Variants in ADAMTSL1 observed in about 807,000 individuals in gnomAD.
ADAMTSL1 encodes ADAMTS like 1.
A neutral mutation model predicts 201.8 loss-of-function variants in ADAMTSL1; 126 were observed. The observed-to-expected ratio is 0.62, with a 90% confidence interval of 0.54 to 0.72. The LOEUF (loss-of-function observed/expected upper bound fraction) is 0.72, where lower values mean the gene tolerates loss of function less well. Among genes scored for constraint, ADAMTSL1 ranks in the 30% least tolerant of loss-of-function variants. The pLI, the probability that ADAMTSL1 is intolerant of heterozygous loss-of-function variation, is 0.00. For missense variants in ADAMTSL1, 2,679 were observed against 2,277.8 expected, an observed-to-expected ratio of 1.18 and a Z score of -3.59; for synonymous variants, 1,121 against 903.4, an observed-to-expected ratio of 1.24 and a Z score of -4.32.
At chr9:18,015,383 G>A (rs1304509758) in intron 1 of ADAMTSL1, among the ~76,000 whole-genome samples, 1 of 152,046 alleles carries the variant, frequency 6.6e-6, no homozygotes, top group Non-Finnish European at 1.5e-5. Context: ...TTAAAATTTA[G>A]CCTCTAGCTA....
chr9:18,899,091 C>G (rs917893146), intron 26 of ADAMTSL1, among the ~76,000 whole-genome samples: 2 of 152,228 alleles, frequency 1.3e-5, no homozygotes, highest in African/African-American at 4.8e-5. Flanking sequence ...TAAGCAACTT[C>G]AGCAAAGTCC....
intron 25 of ADAMTSL1, among the ~76,000 whole-genome samples, chr9:18,891,378 T>G (rs1333805103): frequency 7.0e-6 from 1 of 142,156 alleles, no homozygotes; most frequent in East Asian, 2.0e-4. Context: ...AACCAAAGAG[T>G]GGGATTTTTT....
chr9:18,428,180 C>T (rs1819312692), intron 2 of ADAMTSL1, among the ~76,000 whole-genome samples: 1 of 152,128 alleles, frequency 6.6e-6, no homozygotes, highest in Non-Finnish European at 1.5e-5. Flanking sequence ...TTGTGTTTGG[C>T]ATTGTATTTG....
chr9:18,049,202 G>T (rs553700328), intron 1 of ADAMTSL1, among the ~76,000 whole-genome samples: 14 of 152,218 alleles, frequency 9.2e-5, no homozygotes, highest in Admixed American at 9.2e-4. Flanking sequence ...TCCAAATAAG[G>T]TCACATTCCC....
chr9:18,744,182 G>A (rs192101154), intron 15 of ADAMTSL1, among the ~76,000 whole-genome samples: 85 of 152,346 alleles, frequency 5.6e-4, no homozygotes, highest in African/African-American at 1.9e-3. Context: ...CACAATGCAC[G>A]TTTTCTGAAC....
At chr9:18,341,209 T>C (rs1387467998) in intron 2 of ADAMTSL1, among the ~76,000 whole-genome samples, 1 of 152,088 alleles carries the variant, frequency 6.6e-6, no homozygotes, top group East Asian at 1.9e-4. Flanking sequence ...CACAAGCTGG[T>C]CTCTGCTCAT....
At chr9:18,106,717 T>C (rs1259014590) in intron 1 of ADAMTSL1, among the ~76,000 whole-genome samples, 3 of 152,208 alleles carry the variant, frequency 2.0e-5, no homozygotes, top group African/African-American at 7.2e-5. Flanking sequence ...TTTCAATCAG[T>C]CACAAGAGTA....
chr9:18,073,003 G>A (rs866676214), intron 1 of ADAMTSL1, among the ~76,000 whole-genome samples: 3 of 152,168 alleles, frequency 2.0e-5, no homozygotes, highest in Non-Finnish European at 4.4e-5. Flanking sequence ...GCGAGACAAC[G>A]AAGCTGATAT....
chr9:18,529,649 T>C (rs1819312940), intron 2 of ADAMTSL1, among the ~76,000 whole-genome samples: 1 of 152,206 alleles, frequency 6.6e-6, no homozygotes, highest in Non-Finnish European at 1.5e-5. Context: ...GTGTTTCTAT[T>C]ATAATCCACA....
rs369182698 is a variant in ADAMTSL1 at position 17,996,443 on chromosome 9, C to A, written c.87+89521C>A. ...ACAATGTTATATTCAGTTAAAGTAA[C>A]TGCCTCTTTTGTTACTTGCTCAGAA... On this transcript the variant is annotated intron_variant, in intron 1 of 29. Transcript: ENST00000680146. Among the ~76,000 whole-genome samples the A allele has an allele frequency of 2.6e-5, 4 of 152,024 alleles. No individual in the cohort carries two copies. The East Asian group carries it at 7.7e-4, about 29-fold the overall frequency.
At position 18,887,825 on chromosome 9, in the gene ADAMTSL1, T is replaced by C. The variant is rs1437390764; in HGVS notation, c.4250-6T>C. 1 of 1,612,788 alleles carries C rather than the reference T, an allele frequency of 6.2e-7. No homozygotes were observed. Among genetic ancestry groups the C allele is most frequent in the Non-Finnish European group, 8.5e-7 (1 of 1,179,270 alleles). Reference sequence around the variant, plus strand: ...CTAAGGCTTACTTCTTTTCCTCTCCTTCTAGGCTGCCCCATCAAAGGTCAC... The same window carrying C: ...CTAAGGCTTACTTCTTTTCCTCTCCCTCTAGGCTGCCCCATCAAAGGTCAC... On this transcript the variant is annotated splice_polypyrimidine_tract_variant and splice_region_variant and intron_variant, in intron 23 of 28. Transcript: ENST00000380548.
At chr9:18,192,363 C>A (rs1829004633) in intron 2 of ADAMTSL1, among the ~76,000 whole-genome samples, 1 of 152,070 alleles carries the variant, frequency 6.6e-6, no homozygotes, top group Admixed American at 6.6e-5. Flanking sequence ...TTCTTCAAAT[C>A]CCCTAAAGAA....
intron 2 of ADAMTSL1, among the ~76,000 whole-genome samples, chr9:18,266,473 C>A (rs1832121225): frequency 6.6e-6 from 1 of 152,148 alleles, no homozygotes; most frequent in Non-Finnish European, 1.5e-5. Context: ...TATTCATAAT[C>A]AAAAATGATA....
chr9:18,304,116 TG>T (rs1267047496), intron 2 of ADAMTSL1, among the ~76,000 whole-genome samples: 1 of 152,216 alleles, frequency 6.6e-6, no homozygotes, highest in African/African-American at 2.4e-5. Flanking sequence ...GTCCTCTATG[TG>T]TCTGTCACTG....
Position 18,526,483 on chromosome 9 carries a change from G to A in ADAMTSL1, c.192-6764G>A, listed in dbSNP as rs1036738117. Among the ~76,000 whole-genome samples the A allele has an allele frequency of 1.6e-4, 24 of 152,178 alleles. 1 individual carries two copies. The highest frequency in any genetic ancestry group is 5.8e-4 in the African/African-American group (24 of 41,436). ...TGTGTGAATTTGATCCTGTCATTAT[G>A]ATGTTAGCTGGTTATTTTGCTCATT... On this transcript the variant is annotated intron_variant, in intron 2 of 28. Transcript: ENST00000380548.
At position 18,380,458 on chromosome 9, in the gene ADAMTSL1, A is replaced by G. The variant is rs560390541; in HGVS notation, c.208-124371A>G. Among the ~76,000 whole-genome samples, 11 of 152,348 alleles carry G rather than the reference A, an allele frequency of 7.2e-5. No individual in the cohort carries two copies. The East Asian group carries it at 1.9e-3, about 27-fold the overall frequency. Reference sequence around the variant, plus strand: ...AATAGGTATATTTTACATAGATACTATACAGCAAATTTGAGTTTGATGTTT... The same window carrying G: ...AATAGGTATATTTTACATAGATACTGTACAGCAAATTTGAGTTTGATGTTT... On this transcript the variant is annotated intron_variant, in intron 2 of 29. Transcript: ENST00000680146.
At chr9:17,955,832 G>C (rs953834293) in intron 1 of ADAMTSL1, among the ~76,000 whole-genome samples, 2 of 152,100 alleles carry the variant, frequency 1.3e-5, no homozygotes, top group African/African-American at 4.8e-5. Flanking sequence ...CGTATATAGG[G>C]TTTCGTTCTA....
chr9:18,037,363 A>G (rs530109718), intron 1 of ADAMTSL1, among the ~76,000 whole-genome samples: 4 of 152,140 alleles, frequency 2.6e-5, no homozygotes, highest in Non-Finnish European at 5.9e-5. Flanking sequence ...CCCCTACACA[A>G]ATTTGCAGGA....
intron 2 of ADAMTSL1, among the ~76,000 whole-genome samples, chr9:18,338,579 T>A (rs534722304): frequency 1.3e-5 from 2 of 152,258 alleles, no homozygotes; most frequent in Middle Eastern, 3.4e-3. Flanking sequence ...CCTGAGTAGC[T>A]GGAACTACAG....
Sources: gnomAD v4.1 joint callset for allele counts (sites outside exome capture counted in the v4.1 genomes callset) on GRCh38, gnomAD v4.1.1 for gene constraint, MANE v1.5 for transcripts, NCBI Gene and HGNC (gene_info 2026-07-23, HGNC 2026-07-21) for gene names.